The following PLSCR3 variants were observed in gnomAD, a reference collection of about 807,000 sequenced individuals.
PLSCR3 encodes phospholipid scramblase 3.
Under a neutral mutation model 33.7 loss-of-function variants are expected in PLSCR3, and 17 were observed. The ratio of observed to expected loss-of-function variants is 0.50; its 90% CI spans 0.35 to 0.76. The LOEUF is 0.76. PLSCR3 is among the 30% of genes least tolerant of loss of function. PLSCR3 has a pLI of 0.01. For synonymous variants in PLSCR3, 166 were observed against 166.0 expected, an observed-to-expected ratio of 1.00 and a Z score of 0.00; for missense variants, 360 against 394.1, an observed-to-expected ratio of 0.91 and a Z score of 0.73.
rs779861620 is a variant in PLSCR3, at chr17:7,390,038, C to A, written c.*347G>T. 1.4e-4 allele frequency: 31 copies of A among 222,942 alleles called. No homozygotes were observed. Among genetic ancestry groups the A allele is most frequent in the Admixed American group, 1.3e-3 (26 of 19,744 alleles). The allele number at this position is 222,942 out of a possible 1,614,324, so 13.8% of individuals were successfully genotyped here. A position where few individuals can be genotyped will look rare whatever the true frequency, so the allele number is the denominator to read the frequency against. On this transcript the variant is annotated 3_prime_UTR_variant, in exon 8 of 8. Transcript: ENST00000619711. ...TGGTGCAGCTTGCCCTTCCACACCCCAGCCCTCTTGTAAAACCCCAGAGTC... is the reference window on the plus strand; with the variant it reads ...TGGTGCAGCTTGCCCTTCCACACCCAAGCCCTCTTGTAAAACCCCAGAGTC...
At chr17:7,393,999 G>C (rs1295526052) in intron 2 of PLSCR3, 105 bp downstream of exon 2, 8 of 1,424,954 alleles carry the variant, frequency 5.6e-6, no homozygotes, top group East Asian at 2.3e-5. Context: ...GGAAGGGAGG[G>C]GCCCCACCCA....
At position 7,391,756 on chromosome 17, in the gene PLSCR3, A is replaced by G. The variant is rs540313225; in HGVS notation, c.670-961T>C. Among the ~76,000 whole-genome samples the G allele has an allele frequency of 2.0e-5, 3 of 152,266 alleles. No individual in the cohort carries two copies. The South Asian group carries it at 6.2e-4, about 32-fold the overall frequency. ...ATTCCCAATTGGTTCTCATCATGGA[A>G]TCTCCCTCTGGCTACCAAGGTGACT... On this transcript the variant is annotated intron_variant, in intron 6 of 7. Coordinates refer to ENST00000619711, the MANE Select transcript of PLSCR3 (RefSeq NM_020360.4). This position sits in a 1 kb window ranked among gnomAD's most constrained non-coding sequence, Gnocchi z 4.1.
Position 7,393,216 on chromosome 17 carries a change from C to T in PLSCR3, c.435G>A (p.Gly145=). Residue 145 remains glycine (G), a synonymous_variant, in exon 5 of 8, where the codon GGG becomes GGA. Coordinates refer to ENST00000619711, the MANE Select transcript of PLSCR3 (RefSeq NM_020360.4). ...RPLRVRLADP[G]DREVLRLLRP... Reference sequence around the variant, plus strand: ...GGAGCAAACGCAGCACCTCACGGTCCCCGGGGTCGGCCAGGCGGACACGCA... The same window carrying T: ...GGAGCAAACGCAGCACCTCACGGTCTCCGGGGTCGGCCAGGCGGACACGCA... 6.4e-7 allele frequency: 1 copy of T among 1,567,636 alleles called. No homozygotes were observed. The highest frequency in any genetic ancestry group is 8.6e-7 in the Non-Finnish European group (1 of 1,165,122).
In PLSCR3 at chr17:7,390,270, C is replaced by A. The variant is rs1905551400; in HGVS notation, c.*115G>T. ...GGGAGTAGGGTAGGGATGGGGCCCC[C>A]CTTCTGTCCCCTGCAGTGTACATGG... On this transcript the variant is annotated 3_prime_UTR_variant, in exon 8 of 8. Coordinates refer to ENST00000619711, the MANE Select transcript of PLSCR3 (RefSeq NM_020360.4). 2.4e-6 allele frequency: 2 copies of A among 821,944 alleles called. No homozygotes were observed. Among genetic ancestry groups the A allele is most frequent in the Admixed American group, 6.1e-5 (2 of 33,014 alleles). 50.9% of individuals were successfully genotyped at this position (821,944 alleles called of 1,614,324 possible). A position where few individuals can be genotyped will look rare whatever the true frequency, so the allele number is the denominator to read the frequency against.
rs1905573564 is a variant in PLSCR3, at chr17:7,390,451, G to A, written c.832-10C>T. 1 of 1,589,462 alleles carries A rather than the reference G, an allele frequency of 6.3e-7. No individual in the cohort carries two copies. The highest frequency in any genetic ancestry group is 1.3e-5 in the African/African-American group (1 of 74,462). The stretch of plus-strand genomic sequence containing the variant: ...CAAAGAACATGTAGTCCTAAGAGGA[G>A]GCCACTGTCAATGGGAGATCCGGCT... On this transcript the variant is annotated splice_polypyrimidine_tract_variant and intron_variant, in intron 7 of 7. Coordinates refer to ENST00000619711, the MANE Select transcript of PLSCR3 (RefSeq NM_020360.4).
rs1905555231 is a variant in PLSCR3, at chr17:7,390,318, G to C, written c.*67C>G. ...TGGAGGAAAGGGGCTGCCCAGAGGA[G>C]GGGCCAGGGCAGGTGACCATCTGGA... is the stretch of plus-strand genomic sequence containing the variant. On this transcript the variant is annotated 3_prime_UTR_variant, in exon 8 of 8. Coordinates refer to ENST00000619711, the MANE Select transcript of PLSCR3 (RefSeq NM_020360.4). 1.7e-5 allele frequency: 21 copies of C among 1,250,190 alleles called. No individual in the cohort carries two copies. Among genetic ancestry groups the C allele is most frequent in the Non-Finnish European group, 2.3e-5 (21 of 895,590 alleles). The allele number at this position is 1,250,190 out of a possible 1,614,324, so 77.4% of individuals were successfully genotyped here. A position where few individuals can be genotyped will look rare whatever the true frequency, so the allele number is the denominator to read the frequency against.
intron 2 of PLSCR3, 21 bp from the exon 3 acceptor site, chr17:7,393,857 G>C: frequency 7.2e-7 from 1 of 1,397,026 alleles, no homozygotes; most frequent in Non-Finnish European, 9.7e-7. Flanking sequence ...GTGGGAGCAG[G>C]ATAGATTAGA....
rs1905691867 is a variant in PLSCR3 at position 7,391,468 on chromosome 17, C to T, written c.670-673G>A. ...CTGAGCCACACAGCAACAGGCTCTG[C>T]TGATGTGGGTAGTTACTCCCCGTGA... On this transcript the variant is annotated intron_variant, in intron 6 of 7. Coordinates refer to ENST00000619711, the MANE Select transcript of PLSCR3 (RefSeq NM_020360.4). This position sits in a 1 kb window ranked among gnomAD's most constrained non-coding sequence, Gnocchi z 4.1. Among the ~76,000 whole-genome samples, 1 of 152,204 alleles carries T rather than the reference C, an allele frequency of 6.6e-6. No individual in the cohort carries two copies. The highest frequency in any genetic ancestry group is 2.1e-4 in the South Asian group (1 of 4,834).
At position 7,394,125 on chromosome 17, in the gene PLSCR3, G is replaced by T; in HGVS notation, c.-15C>A. The T allele has an allele frequency of 6.2e-7, 1 of 1,613,304 alleles. No homozygotes were observed. Among genetic ancestry groups the T allele is most frequent in the Non-Finnish European group, 8.5e-7 (1 of 1,179,546 alleles). On this transcript the variant is annotated 5_prime_UTR_variant, in exon 2 of 8. Transcript: ENST00000619711. This position sits in a 1 kb window ranked among gnomAD's most constrained non-coding sequence, Gnocchi z 5.3. ...TTACCTGCCATGGGAGAAGGGCTGG[G>T]GTTTTCGAGATGATGGTGTCTGGGT...
In PLSCR3 at chr17:7,393,673, G is replaced by T; in HGVS notation, c.171C>A (p.Pro57=). ...PGFALFPSPG[P]VALGSAAPFL... is the part of the protein sequence containing the mutation. ...AGGGGGCAGCAGACCCCAAGGCCAC[G>T]GGGCCAGGCGAGGGGAAGAGGGCGA... The change falls in exon 3 of 8, where the codon CCC becomes CCA. Residue 57 remains proline (P), a synonymous_variant. Coordinates refer to ENST00000619711, the MANE Select transcript of PLSCR3 (RefSeq NM_020360.4). The T allele has an allele frequency of 6.3e-7, 1 of 1,597,794 alleles. No homozygotes were observed. Among genetic ancestry groups the T allele is most frequent in the East Asian group, 2.2e-5 (1 of 44,538 alleles).
chr17:7,393,339 A>G lies in PLSCR3; in HGVS notation c.312T>C (p.Asn104=). The change falls in exon 5 of 8, where the codon AAT becomes AAC. Residue 104 remains asparagine (N), a synonymous_variant. Coordinates refer to ENST00000619711, the MANE Select transcript of PLSCR3 (RefSeq NM_020360.4). ...CGGCCCCAGAGCGCAGTTCATACCG[A>G]TTACAGGTCTCCCAGCCTAGGAACG... is the stretch of plus-strand genomic sequence containing the variant. ...VETFLGWETC[N]RYELRSGAGQ... is the part of the protein sequence containing the mutation. 4 of 1,612,818 alleles carry G rather than the reference A, an allele frequency of 2.5e-6. No individual in the cohort carries two copies. The South Asian group carries it at 3.3e-5, about 13-fold the overall frequency.
intron 5 of PLSCR3, 41 bp from the exon 6 acceptor site, chr17:7,392,993 G>C (rs771691168): frequency 6.3e-7 from 1 of 1,577,498 alleles, no homozygotes; most frequent in Non-Finnish European, 8.6e-7. Context: ...GGAGGCAGGG[G>C]TCCCAGCTCT....
intron 6 of PLSCR3, 53 bp downstream of exon 6, chr17:7,392,738 G>A (rs967837049): frequency 1.4e-4 from 219 of 1,544,530 alleles, no homozygotes; most frequent in Non-Finnish European, 4.4e-5. Flanking sequence ...CTGCCTCATG[G>A]AAGCATCATC....
chr17:7,390,865 T>G, intron 6 of PLSCR3, 70 bp from the exon 7 acceptor site: 2 of 1,515,450 alleles, frequency 1.3e-6, no homozygotes, highest in Non-Finnish European at 1.8e-6. Context: ...CCAGTCTCAT[T>G]CCCACAGTCG....
chr17:7,393,079 A>G, intron 5 of PLSCR3, 65 bp downstream of exon 5: 1 of 1,482,040 alleles, frequency 6.7e-7, no homozygotes, highest in Admixed American at 2.3e-5. Flanking sequence ...GCCTCATCTC[A>G]GGTGGACCTC....
chr17:7,392,602 G>C, intron 6 of PLSCR3, among the ~76,000 whole-genome samples, 189 bp downstream of exon 6: 1 of 152,224 alleles, frequency 6.6e-6, no homozygotes, highest in South Asian at 2.1e-4. Context: ...TGAAATCCTC[G>C]TTGTTATGCT....
rs17856370 is a variant in PLSCR3 at position 7,393,206 on chromosome 17, C to T, written c.445G>A (p.Val149Met). ...VRLADPGDRE[V>M]LRLLRPLHCG... Reference sequence around the variant, plus strand: ...TGCAGCGGGCGGAGCAAACGCAGCACCTCACGGTCCCCGGGGTCGGCCAGG... The same window carrying T: ...TGCAGCGGGCGGAGCAAACGCAGCATCTCACGGTCCCCGGGGTCGGCCAGG... Residue 149 changes from valine (V) to methionine (M), a missense_variant, in exon 5 of 8, where the codon GTG becomes ATG. Coordinates refer to ENST00000619711, the MANE Select transcript of PLSCR3 (RefSeq NM_020360.4). 348 of 1,554,712 alleles carry T rather than the reference C, an allele frequency of 2.2e-4. No individual in the cohort carries two copies. Among genetic ancestry groups the T allele is most frequent in the Non-Finnish European group, 2.8e-4 (328 of 1,159,442 alleles).
At chr17:7,390,613 G>A (rs926767579) in intron 7 of PLSCR3, 21 bp downstream of exon 7, 1 of 1,613,046 alleles carries the variant, frequency 6.2e-7, no homozygotes, top group South Asian at 1.1e-5. Context: ...CAGGAGGTGG[G>A]GGCAGGGGCA....
In PLSCR3 at chr17:7,393,844, G is replaced by T. The variant is rs1905953911; in HGVS notation, c.8-8C>A. On this transcript the variant is annotated splice_polypyrimidine_tract_variant and splice_region_variant and intron_variant, in intron 2 of 7. Transcript: ENST00000619711. Reference sequence around the variant, plus strand: ...CTTTGGGGGGCAAGTAGCCTGTAAAGCGGTGGGAGCAGGATAGATTAGAAA... The same window carrying T: ...CTTTGGGGGGCAAGTAGCCTGTAAATCGGTGGGAGCAGGATAGATTAGAAA... 1 of 1,446,476 alleles carries T rather than the reference G, an allele frequency of 6.9e-7. No homozygotes were observed. Among genetic ancestry groups the T allele is most frequent in the Non-Finnish European group, 9.3e-7 (1 of 1,075,074 alleles). 89.6% of individuals were successfully genotyped at this position (1,446,476 alleles called of 1,614,324 possible).
Sources: gnomAD v4.1 joint callset for allele counts (sites outside exome capture counted in the v4.1 genomes callset) on GRCh38, gnomAD v4.1.1 for gene constraint, Gnocchi (gnomAD v3.1) non-coding constraint, MANE v1.5 for transcripts, NCBI Gene and HGNC (gene_info 2026-07-23, HGNC 2026-07-21) for gene names.